COQ5: variants seen among roughly 807,000 people sequenced by gnomAD.
COQ5 encodes coenzyme Q5, methyltransferase, also known as 2-methoxy-6-polyprenyl-1,4-benzoquinol methylase, mitochondrial.
COQ5 carries 27 observed loss-of-function variants against 40.5 expected under a neutral mutation model. That is an observed-to-expected ratio of 0.67 (90% CI 0.49 to 0.92). The LOEUF (loss-of-function observed/expected upper bound fraction) is 0.92, where lower values mean the gene tolerates loss of function less well. COQ5 is among the 40% of genes least tolerant of loss of function. The probability of loss-of-function intolerance (pLI) is 0.00; values close to 1 mark genes in which losing one functional copy is unlikely to be tolerated. For synonymous variants in COQ5, 141 were observed against 150.0 expected (o/e 0.94, Z 0.44); for missense variants, 409 against 406.4 (o/e 1.01, Z -0.06).
At chr12:120,520,399 C>T (rs905455221) in intron 2 of COQ5, among the ~76,000 whole-genome samples, 4 of 151,748 alleles carry the variant, frequency 2.6e-5, no homozygotes, top group Non-Finnish European at 5.9e-5. Context: ...GATCTCGGCT[C>T]ACTGCAACCT....
chr12:120,516,469 GA>G, intron 3 of COQ5, 97 bp downstream of exon 3: 6 of 1,102,054 alleles, frequency 5.4e-6, no homozygotes, highest in Non-Finnish European at 6.9e-6. Flanking sequence ...ATAAGTTTCT[GA>G]AAGCCAAAAG....
intron 4 of COQ5, among the ~76,000 whole-genome samples, chr12:120,505,426 C>T (rs967734136): frequency 4.6e-5 from 7 of 151,698 alleles, no homozygotes; most frequent in Admixed American, 1.3e-4. Flanking sequence ...CTTGCTCTGT[C>T]GCCCAGACTG....
chr12:120,504,352 T>C (rs1350017999), intron 5 of COQ5, among the ~76,000 whole-genome samples: 1 of 151,898 alleles, frequency 6.6e-6, no homozygotes, highest in Non-Finnish European at 1.5e-5. Flanking sequence ...GCCATGTATC[T>C]GATTTCTCAA....
At chr12:120,528,202 CAAAATAAA>C (rs968037199) in intron 1 of COQ5, among the ~76,000 whole-genome samples, 19 of 131,378 alleles carry the variant, frequency 1.4e-4, no homozygotes, top group Non-Finnish European at 2.2e-4. Flanking sequence ...AACTCCGTCT[CAAAATAAA>C]TAAATAAATA....
chr12:120,505,865 G>GT (rs1028845633), intron 4 of COQ5, among the ~76,000 whole-genome samples: 16 of 140,950 alleles, frequency 1.1e-4, no homozygotes, highest in African/African-American at 4.3e-4. Context: ...CTATTTGTTT[G>GT]TTTTTTTGAG....
chr12:120,523,123 G>C, intron 1 of COQ5: 1 of 301,362 alleles, frequency 3.3e-6, no homozygotes, highest in Non-Finnish European at 6.1e-6. Flanking sequence ...CGGATCACGA[G>C]GTCAGGAGAT....
intron 2 of COQ5, among the ~76,000 whole-genome samples, chr12:120,521,951 T>C (rs113537432): frequency 0.05 from 7,627 of 151,820 alleles, 653 homozygotes; most frequent in African/African-American, 0.17. Flanking sequence ...GAGCTGAGAT[T>C]GAGACACTGC....
chr12:120,528,463 C>T (rs1469311923), intron 1 of COQ5, among the ~76,000 whole-genome samples: 1 of 152,168 alleles, frequency 6.6e-6, no homozygotes, highest in African/African-American at 2.4e-5. Flanking sequence ...CGTTGCCTGG[C>T]ACATCACAAA....
intron 4 of COQ5, among the ~76,000 whole-genome samples, chr12:120,508,446 C>T (rs1868979741): frequency 6.6e-6 from 1 of 152,080 alleles, no homozygotes; most frequent in Admixed American, 6.6e-5. Flanking sequence ...CAAAACATCA[C>T]AAACACTTGT....
intron 2 of COQ5, among the ~76,000 whole-genome samples, chr12:120,520,686 G>C (rs775931982): frequency 6.6e-5 from 10 of 151,950 alleles, no homozygotes; most frequent in Non-Finnish European, 1.5e-4. Context: ...GGCCAGACTG[G>C]TCTTGAACTC....
At chr12:120,519,470 G>A (rs1364704587) in intron 2 of COQ5, among the ~76,000 whole-genome samples, 2 of 152,122 alleles carry the variant, frequency 1.3e-5, no homozygotes, top group Non-Finnish European at 2.9e-5. Flanking sequence ...CAAGGCATGA[G>A]AATCACTTTA....
chr12:120,509,825 C>T (rs958889266), intron 4 of COQ5, 192 bp downstream of exon 4: 3 of 605,596 alleles, frequency 5.0e-6, no homozygotes, highest in African/African-American at 1.8e-5. Flanking sequence ...CTGTAAGGTT[C>T]CTGTAATCCC....
intron 4 of COQ5, among the ~76,000 whole-genome samples, chr12:120,506,683 C>T (rs1868897766): frequency 6.6e-6 from 1 of 151,660 alleles, no homozygotes; most frequent in Admixed American, 6.6e-5. Flanking sequence ...TTTTATTATT[C>T]TGCCTCCCTA....
At chr12:120,512,173 G>A (rs1416364346) in intron 3 of COQ5, among the ~76,000 whole-genome samples, 1 of 152,010 alleles carries the variant, frequency 6.6e-6, no homozygotes, top group African/African-American at 2.4e-5. Flanking sequence ...TCATGCCACC[G>A]CACTCCAGCC....
Position 120,504,065 on chromosome 12 carries a change from T to C in COQ5, c.787A>G (p.Ser263Gly). The stretch of plus-strand genomic sequence containing the variant: ...CCCAGGACAGGGATGACCTGGAAGC[T>C]ATATAGATCATAAAGCCTAGGCAAA... ...PLISRLYDLY[S>G]FQVIPVLGEV... is the part of the protein sequence containing the mutation. The change falls in exon 6 of 7, where the codon AGC (serine) becomes GGC (glycine). Residue 263 changes from serine (S) to glycine (G), a missense_variant. Physicochemically the swap from Ser to Gly is moderately conservative, Grantham distance 56 (BLOSUM62 0). Coordinates refer to ENST00000288532, the MANE Select transcript of COQ5 (RefSeq NM_032314.4). 6.2e-7 allele frequency: 1 copy of C among 1,606,132 alleles called. No homozygotes were observed. Among genetic ancestry groups the C allele is most frequent in the South Asian group, 1.1e-5 (1 of 90,930 alleles).
At chr12:120,528,805 C>CAAA (rs35915101) in intron 1 of COQ5, 135 bp downstream of exon 1, 9,772 of 737,282 alleles carry the variant, frequency 0.013, 6 homozygotes, top group East Asian at 0.035. Context: ...ATTCTGTCTC[C>CAAA]AAAAAAAAAA....
intron 2 of COQ5, among the ~76,000 whole-genome samples, chr12:120,518,550 A>G (rs184132322): frequency 1.2e-3 from 179 of 149,146 alleles, no homozygotes; most frequent in African/African-American, 4.2e-3. Flanking sequence ...TTCTCCAGTC[A>G]TTTTTTATTT....
chr12:120,504,115 G>C, intron 5 of COQ5, 34 bp from the exon 6 acceptor site: 1 of 1,258,162 alleles, frequency 7.9e-7, no homozygotes, highest in Non-Finnish European at 1.2e-6. Flanking sequence ...ATGAAGATTA[G>C]AACATGCCCC....
intron 3 of COQ5, among the ~76,000 whole-genome samples, chr12:120,510,863 T>C (rs1406911836): frequency 6.6e-6 from 1 of 152,118 alleles, no homozygotes; most frequent in African/African-American, 2.4e-5. Context: ...TTTAACATTA[T>C]ACAACCTACA....
Sources: allele counts gnomAD v4.1 joint callset (sites outside exome capture counted in the v4.1 genomes callset), GRCh38; gene constraint gnomAD v4.1.1; transcripts MANE v1.5; gene names NCBI Gene and HGNC (gene_info 2026-07-23, HGNC 2026-07-21).